Variants in TLL1 observed in about 807,000 individuals in gnomAD.
TLL1 encodes the protein tolloid-like protein 1.
In TLL1, 49 loss-of-function variants were observed where a neutral mutation model predicts 128.2. That is an observed-to-expected ratio of 0.38 (90% CI 0.30 to 0.48). The LOEUF is 0.48. TLL1 is among the 20% of genes least tolerant of loss of function. The pLI is 0.96. For missense variants in TLL1, 1,123 were observed against 1,242.0 expected, an observed-to-expected ratio of 0.90 and a Z score of 1.44; for synonymous variants, 454 against 418.8, an observed-to-expected ratio of 1.08 and a Z score of -1.03.
At chr4:165,888,924 A>G (rs1312235460) in intron 1 of TLL1, among the ~76,000 whole-genome samples, 1 of 152,194 alleles carries the variant, frequency 6.6e-6, no homozygotes, top group African/African-American at 2.4e-5. Flanking sequence ...TCAAAATTCA[A>G]TGGTCATGCC....
intron 16 of TLL1, 142 bp downstream of exon 16, chr4:166,066,005 A>T: frequency 6.4e-6 from 4 of 629,316 alleles, no homozygotes; most frequent in Non-Finnish European, 8.1e-6. Context: ...AAAAATAATT[A>T]TAGCAATATT....
intron 7 of TLL1, 68 bp from the exon 8 acceptor site, chr4:166,014,368 A>G: frequency 6.2e-7 from 1 of 1,606,670 alleles, no homozygotes; most frequent in South Asian, 1.1e-5. Flanking sequence ...TAAATACCTT[A>G]TAAATGTAAG....
intron 5 of TLL1, among the ~76,000 whole-genome samples, chr4:165,997,741 G>C (rs919383199): frequency 3.3e-5 from 5 of 152,134 alleles, no homozygotes; most frequent in African/African-American, 1.2e-4. Flanking sequence ...GCAAAAGGTG[G>C]AGGTCAGGAC....
At chr4:166,089,190 ATTATAT>A (rs1017972619) in intron 18 of TLL1, among the ~76,000 whole-genome samples, 30 of 152,280 alleles carry the variant, frequency 2.0e-4, no homozygotes, top group Middle Eastern at 3.4e-3. Context: ...TTGAAATAAC[ATTATAT>A]TTATAATTCA....
At chr4:166,014,888 G>A (rs1737865581) in intron 8 of TLL1, among the ~76,000 whole-genome samples, 1 of 151,952 alleles carries the variant, frequency 6.6e-6, no homozygotes, top group South Asian at 2.1e-4. Context: ...CAAATGCTAA[G>A]TTTCCTTTCT....
chr4:166,049,376 A>C (rs1739610488), intron 12 of TLL1, among the ~76,000 whole-genome samples: 1 of 152,152 alleles, frequency 6.6e-6, no homozygotes, highest in Non-Finnish European at 1.5e-5. Flanking sequence ...CTTCACTTAC[A>C]CATTTTTGTT....
intron 1 of TLL1, among the ~76,000 whole-genome samples, chr4:165,944,815 TAC>T (rs1185421535): frequency 6.6e-6 from 1 of 152,076 alleles, no homozygotes; most frequent in Non-Finnish European, 1.5e-5. Flanking sequence ...GCATTAAGGC[TAC>T]ACATTAGGGG....
At chr4:165,881,780 G>A (rs1386187443) in intron 1 of TLL1, among the ~76,000 whole-genome samples, 5 of 152,178 alleles carry the variant, frequency 3.3e-5, no homozygotes, top group Non-Finnish European at 7.4e-5. Context: ...GCTGTATGTA[G>A]CCTCAAGTAT....
At chr4:165,883,100 A>G (rs1486563500) in intron 1 of TLL1, among the ~76,000 whole-genome samples, 7 of 152,284 alleles carry the variant, frequency 4.6e-5, no homozygotes, top group Admixed American at 2.0e-4. Context: ...GGCATATACA[A>G]TGGAACTCAG....
chr4:165,994,374 A>G lies in TLL1; in HGVS notation c.362-7A>G, dbSNP rs1179844721. On this transcript the variant is annotated splice_region_variant and splice_polypyrimidine_tract_variant and intron_variant, in intron 3 of 20. Coordinates refer to ENST00000061240, the MANE Select transcript of TLL1 (RefSeq NM_012464.5). ...TGTTTCACAGAATGTTTTAAATGTC[A>G]CTGCAGGCTTGGAGCAAAACAACAC... 3.1e-6 allele frequency: 5 copies of G among 1,613,848 alleles called. No individual in the cohort carries two copies. Among genetic ancestry groups the G allele is most frequent in the Non-Finnish European group, 3.4e-6 (4 of 1,179,886 alleles).
At chr4:165,936,223 C>CT (rs942916662) in intron 1 of TLL1, among the ~76,000 whole-genome samples, 2,306 of 120,726 alleles carry the variant, frequency 0.019, 43 homozygotes, top group African/African-American at 0.045. Flanking sequence ...TTTCTTTTTT[C>CT]TTTTTTTTTT....
intron 1 of TLL1, among the ~76,000 whole-genome samples, chr4:165,920,388 G>A (rs114870250): frequency 0.016 from 2,484 of 152,220 alleles, 67 homozygotes; most frequent in African/African-American, 0.056. Context: ...GAGCATTGTT[G>A]GTTAATACAG....
At chr4:165,900,396 T>C (rs1346554974) in intron 1 of TLL1, among the ~76,000 whole-genome samples, 1 of 152,184 alleles carries the variant, frequency 6.6e-6, no homozygotes, top group Non-Finnish European at 1.5e-5. Context: ...CCATATTTAG[T>C]GCTTCTTTCA....
Position 166,043,389 on chromosome 4 carries a change from C to T in TLL1, c.1494C>T (p.Tyr498=). 6.2e-7 allele frequency: 1 copy of T among 1,614,114 alleles called. No individual in the cohort carries two copies. Among genetic ancestry groups the T allele is most frequent in the Non-Finnish European group, 8.5e-7 (1 of 1,179,988 alleles). ...CVWKITVSES[Y]HVGLTFQSFE... Reference sequence around the variant, plus strand: ...GGAAAATAACAGTGTCTGAGAGCTACCACGTCGGGCTGACCTTTCAGTCCT... The same window carrying T: ...GGAAAATAACAGTGTCTGAGAGCTATCACGTCGGGCTGACCTTTCAGTCCT... Residue 498 remains tyrosine (Y), a synonymous_variant, in exon 12 of 21, where the codon TAC becomes TAT. Transcript: ENST00000061240.
At chr4:166,017,826 G>A (rs1387604782) in intron 8 of TLL1, among the ~76,000 whole-genome samples, 10 of 151,916 alleles carry the variant, frequency 6.6e-5, no homozygotes, top group African/African-American at 2.2e-4. Flanking sequence ...TATGTTTAAG[G>A]TTCTTCTTTT....
intron 2 of TLL1, among the ~76,000 whole-genome samples, chr4:165,992,035 T>C (rs537457371): frequency 6.6e-6 from 1 of 152,172 alleles, no homozygotes; most frequent in African/African-American, 2.4e-5. Flanking sequence ...ATGCTATGCT[T>C]TCTGACTTAT....
intron 16 of TLL1, among the ~76,000 whole-genome samples, chr4:166,073,248 T>A (rs1374604955): frequency 6.6e-6 from 1 of 152,102 alleles, no homozygotes; most frequent in East Asian, 1.9e-4. Flanking sequence ...CATTAGAAAA[T>A]GCAGGCAGCT....
chr4:166,086,492 G>T (rs1741521832), intron 18 of TLL1, among the ~76,000 whole-genome samples: 1 of 152,056 alleles, frequency 6.6e-6, no homozygotes, highest in Non-Finnish European at 1.5e-5. Flanking sequence ...CAAGGTGGTT[G>T]CAATTGTATG....
intron 1 of TLL1, among the ~76,000 whole-genome samples, chr4:165,939,111 G>A (rs183366052): frequency 1.3e-5 from 2 of 152,078 alleles, no homozygotes; most frequent in Admixed American, 6.6e-5. Context: ...GAAGCTCTAT[G>A]TGCATGGATG....
Sources: allele counts gnomAD v4.1 joint callset (sites outside exome capture counted in the v4.1 genomes callset), GRCh38; gene constraint gnomAD v4.1.1; transcripts MANE v1.5; gene names NCBI Gene and HGNC (gene_info 2026-07-23, HGNC 2026-07-21).